METTL25: variants seen among roughly 807,000 people sequenced by gnomAD.
METTL25 encodes methyltransferase like 25.
METTL25 carries 64 observed loss-of-function variants against 71.6 expected under a neutral mutation model. The ratio of observed to expected loss-of-function variants is 0.89; its 90% CI spans 0.73 to 1.10. The LOEUF is 1.10. Among genes scored for constraint, METTL25 ranks in the 50% least tolerant of loss-of-function variants. The pLI is 0.00. For synonymous variants in METTL25, 287 were observed against 250.3 expected, an observed-to-expected ratio of 1.15 and a Z score of -1.38; for missense variants, 807 against 707.0, an observed-to-expected ratio of 1.14 and a Z score of -1.60.
At chr12:82,474,804 C>G (rs933434088) in intron 9 of METTL25, among the ~76,000 whole-genome samples, 5 of 151,880 alleles carry the variant, frequency 3.3e-5, no homozygotes, top group African/African-American at 1.2e-4. Flanking sequence ...AGAATATACT[C>G]AAAAGCAACA....
intron 9 of METTL25, among the ~76,000 whole-genome samples, chr12:82,458,317 C>T (rs754614461): frequency 2.0e-4 from 30 of 152,110 alleles, no homozygotes; most frequent in Non-Finnish European, 2.5e-4. Context: ...AACTGCCACT[C>T]AGTCTTAGCA....
chr12:82,439,318 A>G (rs1285392680), intron 8 of METTL25, among the ~76,000 whole-genome samples: 2 of 151,736 alleles, frequency 1.3e-5, no homozygotes, highest in Non-Finnish European at 3.0e-5. Context: ...TATACAGAAA[A>G]GCAAGGGGTA....
intron 9 of METTL25, among the ~76,000 whole-genome samples, chr12:82,459,214 A>T (rs1488080587): frequency 6.6e-6 from 1 of 152,212 alleles, no homozygotes; most frequent in Non-Finnish European, 1.5e-5. Flanking sequence ...AACAATAATG[A>T]GTAATATACT....
chr12:82,402,671 GATTTA>G (rs915524389), intron 4 of METTL25, among the ~76,000 whole-genome samples: 9 of 152,090 alleles, frequency 5.9e-5, no homozygotes, highest in East Asian at 1.9e-4. Flanking sequence ...AAAGTTGAAA[GATTTA>G]ATTTAATCTT....
At chr12:82,387,737 T>C (rs1885186660) in intron 2 of METTL25, among the ~76,000 whole-genome samples, 1 of 150,540 alleles carries the variant, frequency 6.6e-6, no homozygotes, top group Non-Finnish European at 1.5e-5. Flanking sequence ...ACACACTCTT[T>C]TTCTGAATCT....
intron 8 of METTL25, among the ~76,000 whole-genome samples, chr12:82,446,994 CA>C (rs1244576251): frequency 6.6e-6 from 1 of 151,690 alleles, no homozygotes; most frequent in Non-Finnish European, 1.5e-5. Flanking sequence ...ACATTAAGAG[CA>C]AAGTATATAG....
intron 8 of METTL25, among the ~76,000 whole-genome samples, chr12:82,452,946 C>T (rs1891246306): frequency 6.6e-6 from 1 of 152,108 alleles, no homozygotes; most frequent in South Asian, 2.1e-4. Flanking sequence ...CAGATTCAAG[C>T]TTGTTTCAGT....
intron 9 of METTL25, among the ~76,000 whole-genome samples, chr12:82,462,142 T>A (rs991128322): frequency 1.3e-5 from 2 of 152,188 alleles, no homozygotes; most frequent in African/African-American, 4.8e-5. Context: ...AGTTTGCATG[T>A]CTGTTCTTGC....
chr12:82,358,529 A>G lies in METTL25; in HGVS notation c.-37A>G, dbSNP rs768466364. 3 of 1,601,506 alleles carry G rather than the reference A, an allele frequency of 1.9e-6. No individual in the cohort carries two copies. Among genetic ancestry groups the G allele is most frequent in the East Asian group, 2.2e-5 (1 of 44,720 alleles). On this transcript the variant is annotated 5_prime_UTR_variant, in exon 1 of 12. The change abolishes an upstream ATG in the 5' untranslated region. Coordinates refer to ENST00000248306, the MANE Select transcript of METTL25 (RefSeq NM_032230.3). ...TGGGCCGAGCTGGCGCCTCACGGCC[A>G]TGTTTGCGCCACCTACAGCCTCGGA...
In METTL25 at chr12:82,476,738, A is replaced by G. The variant is rs1371078037; in HGVS notation, c.1647+20A>G. On this transcript the variant is annotated intron_variant, in intron 10 of 11. Transcript: ENST00000248306. ...AATATGGTAAATCTCAGAGTTAAGC[A>G]TATTAAATTGGATATGTTGCTAGAC... The G allele has an allele frequency of 2.0e-6, 3 of 1,503,652 alleles. No individual in the cohort carries two copies. Among genetic ancestry groups the G allele is most frequent in the Non-Finnish European group, 2.7e-6 (3 of 1,101,332 alleles). 93.1% of individuals were successfully genotyped at this position (1,503,652 alleles called of 1,614,324 possible). A position where few individuals can be genotyped will look rare whatever the true frequency, so the allele number is the denominator to read the frequency against.
intron 4 of METTL25, among the ~76,000 whole-genome samples, chr12:82,402,780 T>A (rs1886748366): frequency 6.6e-6 from 1 of 152,130 alleles, no homozygotes; most frequent in African/African-American, 2.4e-5. Context: ...GTGCTTGTAG[T>A]CCCAGCTACT....
intron 5 of METTL25, among the ~76,000 whole-genome samples, chr12:82,419,704 A>AAT (rs1555211902): frequency 1.2e-3 from 181 of 146,270 alleles, no homozygotes; most frequent in African/African-American, 4.5e-3. Flanking sequence ...AAAAAAAAAA[A>AAT]GCCACAGGAC....
At chr12:82,461,258 A>G (rs552396903) in intron 9 of METTL25, among the ~76,000 whole-genome samples, 1 of 152,334 alleles carries the variant, frequency 6.6e-6, no homozygotes, top group South Asian at 2.1e-4. Flanking sequence ...AAACTGTTAT[A>G]TATTTATTTT....
intron 3 of METTL25, among the ~76,000 whole-genome samples, chr12:82,392,412 A>G (rs1210067304): frequency 6.6e-6 from 1 of 152,006 alleles, no homozygotes; most frequent in African/African-American, 2.4e-5. Context: ...AATTTCATCC[A>G]TGTCCCTACA....
intron 1 of METTL25, among the ~76,000 whole-genome samples, chr12:82,366,717 G>A (rs1047744409): frequency 6.6e-5 from 10 of 152,146 alleles, no homozygotes; most frequent in African/African-American, 2.2e-4. Context: ...AAAGTATGTT[G>A]TTGGAAACAG....
Position 82,424,350 on chromosome 12 carries a change from C to T in METTL25, c.1280-6543C>T, listed in dbSNP as rs1218934038. The stretch of plus-strand genomic sequence containing the variant: ...GAATTGAACATTGAGAACACTTGGA[C>T]ACAGGAAGGGGAGCATCACACCCCG... On this transcript the variant is annotated intron_variant, in intron 5 of 11. Transcript: ENST00000248306. Among the ~76,000 whole-genome samples the T allele has an allele frequency of 2.0e-5, 3 of 151,458 alleles. No individual in the cohort carries two copies. The South Asian group carries it at 6.3e-4, about 32-fold the overall frequency.
At chr12:82,378,833 G>T (rs887784361) in intron 1 of METTL25, among the ~76,000 whole-genome samples, 1 of 152,040 alleles carries the variant, frequency 6.6e-6, no homozygotes, top group African/African-American at 2.4e-5. Context: ...TTTGAGACCA[G>T]CCTGAGTAAC....
At chr12:82,422,012 A>G (rs1888554477) in intron 5 of METTL25, among the ~76,000 whole-genome samples, 1 of 152,174 alleles carries the variant, frequency 6.6e-6, no homozygotes, top group South Asian at 2.1e-4. Context: ...ATTCCAATCA[A>G]CAGAAAAAGA....
intron 5 of METTL25, among the ~76,000 whole-genome samples, chr12:82,404,152 G>A (rs766575542): frequency 1.3e-5 from 2 of 152,018 alleles, no homozygotes; most frequent in East Asian, 3.9e-4. Flanking sequence ...ATTATTTTAT[G>A]TCAGTGTTTT....
Sources: allele counts gnomAD v4.1 joint callset (sites outside exome capture counted in the v4.1 genomes callset), GRCh38; gene constraint gnomAD v4.1.1; transcripts MANE v1.5; gene names NCBI Gene and HGNC (gene_info 2026-07-23, HGNC 2026-07-21).